The following UNC5D variants were observed in gnomAD, a reference collection of about 807,000 sequenced individuals.
UNC5D encodes the protein unc-5 netrin receptor D, also known as netrin receptor UNC5D.
In UNC5D, 39 loss-of-function variants were observed where a neutral mutation model predicts 105.4. That is an observed-to-expected ratio of 0.37 (90% CI 0.29 to 0.48). The LOEUF is 0.48. Among genes scored for constraint, UNC5D ranks in the 20% least tolerant of loss-of-function variants. The pLI is 0.98. For synonymous variants in UNC5D, 452 were observed against 450.4 expected, an observed-to-expected ratio of 1.00 and a Z score of -0.04; for missense variants, 991 against 1,202.4, an observed-to-expected ratio of 0.82 and a Z score of 2.60.
intron 4 of UNC5D, among the ~76,000 whole-genome samples, chr8:35,607,285 A>G (rs1409125431): frequency 6.6e-6 from 1 of 152,150 alleles, no homozygotes; most frequent in Non-Finnish European, 1.5e-5. Flanking sequence ...GTAGTTACTC[A>G]CTTCCTATAT....
At chr8:35,260,348 G>T (rs2128820893) in intron 1 of UNC5D, among the ~76,000 whole-genome samples, 1 of 152,312 alleles carries the variant, frequency 6.6e-6, no homozygotes, top group African/African-American at 2.4e-5. Flanking sequence ...CTATAGAAAA[G>T]ATCTACTGAC....
chr8:35,677,465 A>G (rs1210459090), intron 4 of UNC5D, among the ~76,000 whole-genome samples: 1 of 152,100 alleles, frequency 6.6e-6, no homozygotes, highest in Non-Finnish European at 1.5e-5. Context: ...GCTGGTGTAG[A>G]GAATTTTTTT....
At chr8:35,617,185 T>C (rs1408318416) in intron 4 of UNC5D, among the ~76,000 whole-genome samples, 2 of 152,196 alleles carry the variant, frequency 1.3e-5, no homozygotes, top group African/African-American at 4.8e-5. Context: ...CCACAGCTTC[T>C]GCTGGTGATC....
At chr8:35,477,346 CT>C (rs966264851) in intron 1 of UNC5D, among the ~76,000 whole-genome samples, 28 of 147,068 alleles carry the variant, frequency 1.9e-4, no homozygotes, top group Non-Finnish European at 1.8e-4. Context: ...TCTCTTTTGT[CT>C]TTTTTTTTTG....
chr8:35,442,774 G>T (rs1440309926), intron 1 of UNC5D, among the ~76,000 whole-genome samples: 1 of 151,804 alleles, frequency 6.6e-6, no homozygotes, highest in Non-Finnish European at 1.5e-5. Flanking sequence ...CTATTATAAT[G>T]CTTAGATTAT....
intron 1 of UNC5D, among the ~76,000 whole-genome samples, chr8:35,476,770 A>G (rs1184816648): frequency 2.6e-5 from 4 of 152,006 alleles, no homozygotes; most frequent in African/African-American, 9.7e-5. Flanking sequence ...AATCCTGTTT[A>G]TTTTTCTTCT....
At chr8:35,299,707 A>G (rs1357322577) in intron 1 of UNC5D, among the ~76,000 whole-genome samples, 1 of 152,228 alleles carries the variant, frequency 6.6e-6, no homozygotes, top group Non-Finnish European at 1.5e-5. Context: ...AGACAAGTGG[A>G]TAAGATTATT....
At chr8:35,562,990 A>G (rs1817065203) in intron 2 of UNC5D, among the ~76,000 whole-genome samples, 1 of 152,018 alleles carries the variant, frequency 6.6e-6, no homozygotes, top group Non-Finnish European at 1.5e-5. Flanking sequence ...GGTGACAGAT[A>G]AGGGTCTAAT....
chr8:35,237,924 T>C (rs1802574430), intron 1 of UNC5D, among the ~76,000 whole-genome samples: 1 of 152,184 alleles, frequency 6.6e-6, no homozygotes, highest in Non-Finnish European at 1.5e-5. Context: ...TCAGTGCTTA[T>C]GAAGTTCTCC....
At chr8:35,413,292 T>TGTGTTGTGTGTG (rs56157732) in intron 1 of UNC5D, among the ~76,000 whole-genome samples, 2,470 of 127,998 alleles carry the variant, frequency 0.019, 33 homozygotes, top group African/African-American at 0.024. Flanking sequence ...TGTGTGTGTG[T>TGTGTTGTGTGTG]TGTGTGTGTG....
intron 1 of UNC5D, among the ~76,000 whole-genome samples, chr8:35,520,605 G>A (rs1330921466): frequency 6.6e-6 from 1 of 152,142 alleles, no homozygotes; most frequent in Non-Finnish European, 1.5e-5. Flanking sequence ...TCAGAAGAAT[G>A]TATGTATTCT....
At chr8:35,777,562 A>T (rs1399887370) in intron 16 of UNC5D, among the ~76,000 whole-genome samples, 4 of 152,162 alleles carry the variant, frequency 2.6e-5, no homozygotes, top group Non-Finnish European at 5.9e-5. Context: ...GAGCCAGCAA[A>T]CTTATTTTTT....
intron 8 of UNC5D, among the ~76,000 whole-genome samples, chr8:35,713,161 T>C (rs1459943106): frequency 6.6e-6 from 1 of 152,200 alleles, no homozygotes; most frequent in African/African-American, 2.4e-5. Context: ...ATGGACATGA[T>C]GGGAGTTTGT....
chr8:35,441,494 G>C (rs1288523546), intron 1 of UNC5D, among the ~76,000 whole-genome samples: 2 of 151,766 alleles, frequency 1.3e-5, no homozygotes, highest in Non-Finnish European at 2.9e-5. Flanking sequence ...ACCCCCTGTA[G>C]ATAAGGGTGA....
chr8:35,302,806 C>G (rs1188690748), intron 1 of UNC5D, among the ~76,000 whole-genome samples: 2 of 152,048 alleles, frequency 1.3e-5, no homozygotes, highest in East Asian at 1.9e-4. Flanking sequence ...TTAGATAAAA[C>G]AGTCTTAATA....
intron 4 of UNC5D, among the ~76,000 whole-genome samples, chr8:35,672,310 G>A (rs545795538): frequency 2.0e-5 from 3 of 152,250 alleles, no homozygotes; most frequent in African/African-American, 7.2e-5. Flanking sequence ...ACATACCTCA[G>A]ATAATGGAGG....
chr8:35,614,688 A>C (rs1432817187), intron 4 of UNC5D, among the ~76,000 whole-genome samples: 1 of 152,126 alleles, frequency 6.6e-6, no homozygotes, highest in Non-Finnish European at 1.5e-5. Flanking sequence ...AGGTTAATAT[A>C]AGTTATTTTA....
chr8:35,513,241 T>C (rs911197417), intron 1 of UNC5D, among the ~76,000 whole-genome samples: 73 of 142,182 alleles, frequency 5.1e-4, no homozygotes, highest in African/African-American at 8.2e-4. Context: ...TTTTTTTTTT[T>C]CCCCTGAGAC....
intron 1 of UNC5D, among the ~76,000 whole-genome samples, chr8:35,365,938 T>A (rs1354719853): frequency 6.6e-6 from 1 of 152,178 alleles, no homozygotes; most frequent in Admixed American, 6.5e-5. Context: ...GCTCACATTT[T>A]GTGGGGAGGA....
Sources: gnomAD v4.1 joint callset for allele counts (sites outside exome capture counted in the v4.1 genomes callset) on GRCh38, gnomAD v4.1.1 for gene constraint, MANE v1.5 for transcripts, NCBI Gene and HGNC (gene_info 2026-07-23, HGNC 2026-07-21) for gene names.